NT5E: variants seen among roughly 807,000 people sequenced by gnomAD.
NT5E encodes 5'-nucleotidase ecto.
In NT5E, 53 loss-of-function variants were observed where a neutral mutation model predicts 55.1. The observed-to-expected ratio is 0.96, with a 90% confidence interval of 0.77 to 1.21. The LOEUF (loss-of-function observed/expected upper bound fraction) is 1.21, where lower values mean the gene tolerates loss of function less well. Among genes scored for constraint, NT5E ranks in the 50% most tolerant of loss-of-function variants. The pLI is 0.00. For missense variants in NT5E, 683 were observed against 724.3 expected, an observed-to-expected ratio of 0.94 and a Z score of 0.65; for synonymous variants, 270 against 278.4, an observed-to-expected ratio of 0.97 and a Z score of 0.30.
Position 85,494,364 on chromosome 6 carries a change from G to A in NT5E, c.*360G>A. The A allele has an allele frequency of 4.5e-6, 1 of 223,384 alleles. No individual in the cohort carries two copies. 13.8% of individuals were successfully genotyped at this position (223,384 alleles called of 1,614,324 possible). ...ATAAAATTTTATCATTCACAAGGAA[G>A]TTTTAAGCACACTGTCTCATTTGAT... On this transcript the variant is annotated 3_prime_UTR_variant, in exon 9 of 9. Coordinates refer to ENST00000257770, the MANE Select transcript of NT5E (RefSeq NM_002526.4).
chr6:85,493,739 C>A, intron 8 of NT5E, 102 bp from the exon 9 acceptor site: 1 of 956,484 alleles, frequency 1.0e-6, no homozygotes. Context: ...CACTTTACCC[C>A]TGCTTATGAA....
intron 7 of NT5E, 120 bp downstream of exon 7, chr6:85,490,777 C>T (rs1769766491): frequency 1.9e-6 from 2 of 1,075,608 alleles, no homozygotes; most frequent in East Asian, 2.5e-5. Flanking sequence ...TTTTCCCGAC[C>T]CAACACCAAT....
intron 3 of NT5E, among the ~76,000 whole-genome samples, chr6:85,482,734 A>G (rs769090610): frequency 1.3e-5 from 2 of 152,252 alleles, no homozygotes; most frequent in Non-Finnish European, 2.9e-5. Context: ...GTTTCTAAAG[A>G]CAGATGTGTA....
In NT5E at chr6:85,450,208, G is replaced by A; in HGVS notation, c.69G>A (p.Ala23=). The part of the protein sequence containing the change: ...LLALGAVLWP[A]AGAWELTILH... ...CCCTGGGCGCGGTGCTGTGGCCTGCGGCTGGCGCCTGGGAGCTTACGATTT... is the reference window on the plus strand; with the variant it reads ...CCCTGGGCGCGGTGCTGTGGCCTGCAGCTGGCGCCTGGGAGCTTACGATTT... Residue 23 remains alanine, a synonymous_variant, in exon 1 of 9, where the codon GCG becomes GCA. Coordinates refer to ENST00000257770, the MANE Select transcript of NT5E (RefSeq NM_002526.4). This position sits in a 1 kb window ranked among gnomAD's most constrained non-coding sequence, Gnocchi z 4.0. 6.2e-7 allele frequency: 1 copy of A among 1,608,708 alleles called. No homozygotes were observed. The highest frequency in any genetic ancestry group is 1.1e-5 in the South Asian group (1 of 90,306).
At chr6:85,493,369 C>T (rs1016596819) in intron 8 of NT5E, among the ~76,000 whole-genome samples, 2 of 152,086 alleles carry the variant, frequency 1.3e-5, no homozygotes, top group Non-Finnish European at 1.5e-5. Context: ...GGGTTCCCAA[C>T]AAACATGGGT....
intron 1 of NT5E, among the ~76,000 whole-genome samples, chr6:85,454,820 C>T (rs565428790): frequency 1.5e-4 from 23 of 152,296 alleles, no homozygotes; most frequent in Admixed American, 2.6e-4. Context: ...CAATCTGTGG[C>T]TATGCAATTC....
At position 85,450,151 on chromosome 6, in the gene NT5E, A is replaced by T; in HGVS notation, c.12A>T (p.Arg4=). 1.3e-6 allele frequency: 2 copies of T among 1,583,794 alleles called. No homozygotes were observed. The highest frequency in any genetic ancestry group is 1.7e-6 in the Non-Finnish European group (2 of 1,167,786). The change falls in exon 1 of 9, where the codon CGA becomes CGT. Residue 4 remains arginine, a synonymous_variant. Coordinates refer to ENST00000257770, the MANE Select transcript of NT5E (RefSeq NM_002526.4). This position sits in a 1 kb window ranked among gnomAD's most constrained non-coding sequence, Gnocchi z 4.0. MCP[R]AARAPATLLL... ...CACGCGCCACAGCTATGTGTCCCCGAGCCGCGCGGGCGCCCGCGACGCTAC... is the reference window on the plus strand; with the variant it reads ...CACGCGCCACAGCTATGTGTCCCCGTGCCGCGCGGGCGCCCGCGACGCTAC...
chr6:85,485,548 A>G, intron 4 of NT5E, 116 bp downstream of exon 4: 1 of 1,058,718 alleles, frequency 9.4e-7, no homozygotes, highest in Non-Finnish European at 1.4e-6. Context: ...ACTGTTGAAG[A>G]ATTTAGTTTC....
chr6:85,456,911 T>C (rs1319255130), intron 1 of NT5E, among the ~76,000 whole-genome samples: 2 of 152,154 alleles, frequency 1.3e-5, no homozygotes, highest in Non-Finnish European at 2.9e-5. Flanking sequence ...GTGTGAGGTA[T>C]GTGATTGTTG....
Position 85,489,581 on chromosome 6 carries a change from A to G in NT5E, c.1192A>G (p.Ile398Val). The part of the protein sequence containing the change: ...ILNGGGIRSP[I>V]DERNNGTITW... ...AAATGGAGGTGGTATCCGGTCGCCC[A>G]TTGATGAACGCAACAATGGTATGCT... The change falls in exon 6 of 9, where the codon ATT becomes GTT. Residue 398 changes from isoleucine (I) to valine (V), a missense_variant. Physicochemically the swap from Ile to Val is conservative, Grantham distance 29 (BLOSUM62 3). Transcript: ENST00000257770. 5.0e-6 allele frequency: 8 copies of G among 1,613,396 alleles called. No individual in the cohort carries two copies. The highest frequency in any genetic ancestry group is 6.8e-6 in the Non-Finnish European group (8 of 1,179,482).
rs1427524072 is a variant in NT5E at position 85,489,566 on chromosome 6, G to A, written c.1177G>A (p.Gly393Ser). The A allele has an allele frequency of 1.2e-6, 2 of 1,613,886 alleles. No homozygotes were observed. Among genetic ancestry groups the A allele is most frequent in the Admixed American group, 3.3e-5 (2 of 60,026 alleles). ...ATCCATGTGCATTTTAAATGGAGGTGGTATCCGGTCGCCCATTGATGAACG... is the reference window on the plus strand; with the variant it reads ...ATCCATGTGCATTTTAAATGGAGGTAGTATCCGGTCGCCCATTGATGAACG... ...HVSMCILNGGGIRSPIDERNN... is the reference protein window; with the variant it reads ...HVSMCILNGGSIRSPIDERNN... Residue 393 changes from glycine (G) to serine (S), a missense_variant, in exon 6 of 9, where the codon GGT (glycine) becomes AGT (serine). Physicochemically the swap from Gly to Ser is moderately conservative, Grantham distance 56. Coordinates refer to ENST00000257770, the MANE Select transcript of NT5E (RefSeq NM_002526.4).
intron 1 of NT5E, among the ~76,000 whole-genome samples, chr6:85,454,734 CT>C (rs1449990889): frequency 1.3e-5 from 2 of 152,120 alleles, no homozygotes; most frequent in Admixed American, 1.3e-4. Flanking sequence ...TAATTTAAAG[CT>C]TATCACCTTT....
At chr6:85,456,257 C>T (rs146119629) in intron 1 of NT5E, among the ~76,000 whole-genome samples, 1 of 152,308 alleles carries the variant, frequency 6.6e-6, no homozygotes, top group Non-Finnish European at 1.5e-5. Context: ...CCATGCCTTG[C>T]CCTGTGCATC....
At chr6:85,466,612 T>A (rs141282673) in intron 1 of NT5E, among the ~76,000 whole-genome samples, 8 of 152,312 alleles carry the variant, frequency 5.3e-5, no homozygotes, top group Non-Finnish European at 1.0e-4. Flanking sequence ...GAAGGAGGCC[T>A]TTGGTCTCTG....
At chr6:85,473,768 G>A (rs1769370710) in intron 3 of NT5E, among the ~76,000 whole-genome samples, 1 of 152,176 alleles carries the variant, frequency 6.6e-6, no homozygotes, top group South Asian at 2.1e-4. Context: ...TTGTACTGTA[G>A]TTAATCCATG....
chr6:85,472,309 G>T (rs1653429613), intron 3 of NT5E, among the ~76,000 whole-genome samples: 1 of 152,138 alleles, frequency 6.6e-6, no homozygotes, highest in Non-Finnish European at 1.5e-5. Context: ...TTTGATAAAA[G>T]CGAAACTCAA....
chr6:85,470,908 G>A (rs1769291183), intron 2 of NT5E, among the ~76,000 whole-genome samples: 2 of 152,220 alleles, frequency 1.3e-5, no homozygotes, highest in South Asian at 4.1e-4. Flanking sequence ...ACGTGCTTAG[G>A]CATTTTCTGC....
chr6:85,471,374 AG>A lies in NT5E; in HGVS notation c.704del (p.Gly235ValfsTer32), dbSNP rs773817989. Reference protein sequence around the residue: ...EMDKLIAQKVRGVDVVVGGHS... With the variant: ...EMDKLIAQKVXGVDVVVGGHS... Reference sequence around the variant, plus strand: ...GGATAAACTCATCGCTCAGAAAGTGAGGGGTGTGGACGTCGTGGTGGGAGGA... The same window carrying A: ...GGATAAACTCATCGCTCAGAAAGTGAGGGTGTGGACGTCGTGGTGGGAGGA... On this transcript the variant is annotated frameshift_variant, in exon 3 of 9. Coordinates refer to ENST00000257770, the MANE Select transcript of NT5E (RefSeq NM_002526.4). LOFTEE classifies it high-confidence loss of function. 5.6e-6 allele frequency: 9 copies of A among 1,613,058 alleles called. No individual in the cohort carries two copies. Among genetic ancestry groups the A allele is most frequent in the Non-Finnish European group, 8.5e-7 (1 of 1,179,268 alleles).
At chr6:85,468,156 A>G (rs1372164838) in intron 2 of NT5E, among the ~76,000 whole-genome samples, 1 of 152,260 alleles carries the variant, frequency 6.6e-6, no homozygotes, top group Non-Finnish European at 1.5e-5. Context: ...TATAATTGAC[A>G]ATTCAAAAAT....
Sources: allele counts gnomAD v4.1 joint callset (sites outside exome capture counted in the v4.1 genomes callset), GRCh38; gene constraint gnomAD v4.1.1; non-coding constraint Gnocchi (gnomAD v3.1); transcripts MANE v1.5; gene names NCBI Gene and HGNC (gene_info 2026-07-23, HGNC 2026-07-21).